Variants in FOXA3 observed in about 807,000 individuals in gnomAD.
The protein encoded by FOXA3 is hepatocyte nuclear factor 3-gamma.
Under a neutral mutation model 16.9 loss-of-function variants are expected in FOXA3, and 11 were observed. That is an observed-to-expected ratio of 0.65 (90% CI 0.41 to 1.08). The LOEUF is 1.08. FOXA3 is among the 50% of genes least tolerant of loss of function. The pLI is 0.00. For missense variants in FOXA3, 423 were observed against 470.1 expected (o/e 0.90, Z 0.93); for synonymous variants, 217 against 203.3 (o/e 1.07, Z -0.57).
rs1043818696 is a variant in FOXA3 at position 45,873,391 on chromosome 19, G to C, written c.*333G>C. ...TAGCATTTCAGTGACATCTTCTTTGGCCCCCCCCATTAGGTGCTGTGCCCA... is the reference window on the plus strand; with the variant it reads ...TAGCATTTCAGTGACATCTTCTTTGCCCCCCCCCATTAGGTGCTGTGCCCA... On this transcript the variant is annotated 3_prime_UTR_variant, in exon 2 of 2. Coordinates refer to ENST00000302177, the MANE Select transcript of FOXA3 (RefSeq NM_004497.3). 4 of 366,572 alleles carry C rather than the reference G, an allele frequency of 1.1e-5. No homozygotes were observed. The highest frequency in any genetic ancestry group is 2.1e-5 in the African/African-American group (1 of 48,184). 22.7% of individuals were successfully genotyped at this position (366,572 alleles called of 1,614,324 possible).
intron 1 of FOXA3, among the ~76,000 whole-genome samples, chr19:45,868,891 G>A (rs970970787): frequency 3.3e-5 from 5 of 152,136 alleles, no homozygotes; most frequent in East Asian, 1.9e-4. Context: ...ACGAGGGCAG[G>A]CATTTCTGTC....
chr19:45,864,693 G>T (rs555271410), intron 1 of FOXA3, among the ~76,000 whole-genome samples, 168 bp downstream of exon 1: 2 of 152,144 alleles, frequency 1.3e-5, no homozygotes, highest in East Asian at 1.9e-4. Flanking sequence ...GACCGGGGAC[G>T]AGGCATGGAT....
chr19:45,864,966 C>T (rs1182718521), intron 1 of FOXA3, among the ~76,000 whole-genome samples: 1 of 151,980 alleles, frequency 6.6e-6, no homozygotes, highest in Non-Finnish European at 1.5e-5. Context: ...AAGGGGAAGA[C>T]TGAGGTGGGA....
rs752834638 is a variant in FOXA3, at chr19:45,872,331, A to T, written c.326A>T (p.Tyr109Phe). ...LVHGKEMPKG[Y>F]RRPLAHAKPP... is the part of the protein sequence containing the mutation. ...CACGGGAAGGAGATGCCGAAGGGGT[A>T]TCGGCGGCCCCTGGCACACGCCAAG... is the stretch of plus-strand genomic sequence containing the variant. Residue 109 changes from tyrosine (Y) to phenylalanine (F), a missense_variant, in exon 2 of 2, where the codon TAT (tyrosine) becomes TTT (phenylalanine). Physicochemically the swap from Tyr to Phe is conservative, Grantham distance 22. Transcript: ENST00000302177. The surrounding 1 kb of genome is among the most constrained non-coding windows in gnomAD (Gnocchi z 4.5). 6.9e-5 allele frequency: 112 copies of T among 1,614,030 alleles called. No homozygotes were observed. Among genetic ancestry groups the T allele is most frequent in the Non-Finnish European group, 9.5e-5 (112 of 1,179,994 alleles).
At chr19:45,864,937 TGGA>T (rs752001310) in intron 1 of FOXA3, among the ~76,000 whole-genome samples, 3 of 151,744 alleles carry the variant, frequency 2.0e-5, no homozygotes, top group Non-Finnish European at 2.9e-5. Flanking sequence ...GACTAAAAGA[TGGA>T]GGAGGAGTCA....
At chr19:45,871,995 G>A (rs764786295) in intron 1 of FOXA3, 80 bp from the exon 2 acceptor site, 19 of 1,376,380 alleles carry the variant, frequency 1.4e-5, no homozygotes, top group Non-Finnish European at 1.6e-5. Context: ...ACAGACAGAC[G>A]GACACTCAGT....
In FOXA3 at chr19:45,872,670, G is replaced by C. The variant is rs767307934; in HGVS notation, c.665G>C (p.Gly222Ala). The change falls in exon 2 of 2, where the codon GGG becomes GCG. Residue 222 changes from glycine to alanine, a missense_variant. Physicochemically the swap from Gly to Ala is moderately conservative, Grantham distance 60. Coordinates refer to ENST00000302177, the MANE Select transcript of FOXA3 (RefSeq NM_004497.3). This position sits in a 1 kb window ranked among gnomAD's most constrained non-coding sequence, Gnocchi z 4.5. Reference sequence around the variant, plus strand: ...AAGCTGGAGGAGAAGGTGAAAAAAGGGGGCAGCGGGGCTGCCACCACCACC... The same window carrying C: ...AAGCTGGAGGAGAAGGTGAAAAAAGCGGGCAGCGGGGCTGCCACCACCACC... ...RFKLEEKVKK[G>A]GSGAATTTRN... 2.5e-6 allele frequency: 4 copies of C among 1,611,790 alleles called. No homozygotes were observed. In the African/African-American group the frequency reaches 4.0e-5, roughly 16 times the overall value.
chr19:45,870,753 G>C (rs1181668156), intron 1 of FOXA3, among the ~76,000 whole-genome samples: 1 of 151,826 alleles, frequency 6.6e-6, no homozygotes, highest in East Asian at 1.9e-4. Flanking sequence ...ATTTTTGGTA[G>C]ATAACAGGGT....
intron 1 of FOXA3, among the ~76,000 whole-genome samples, chr19:45,871,402 C>T (rs1310628688): frequency 6.6e-6 from 1 of 151,996 alleles, no homozygotes; most frequent in East Asian, 1.9e-4. Context: ...CCACTGTACA[C>T]TTCATGAGAA....
Position 45,872,748 on chromosome 19 carries a change from CCTCCCCGCCCCA to C in FOXA3, c.744_755del (p.Ser249_Gln252del). On this transcript the variant is annotated inframe_deletion, in exon 2 of 2. Transcript: ENST00000302177. The surrounding 1 kb of genome is among the most constrained non-coding windows in gnomAD (Gnocchi z 4.5). ...ACCACCACCCCCGCGGCCACAGTCA[CCTCCCCGCCCCA>C]GCCCCCGCCTCCAGCCCCTGAGCCT... 2 of 1,603,772 alleles carry C rather than the reference CCTCCCCGCCCCA, an allele frequency of 1.2e-6. No homozygotes were observed. Among genetic ancestry groups the C allele is most frequent in the Non-Finnish European group, 1.7e-6 (2 of 1,175,826 alleles).
rs369305438 is a variant in FOXA3, at chr19:45,873,104, C to G, written c.*46C>G. The G allele has an allele frequency of 1.2e-5, 18 of 1,555,918 alleles. No homozygotes were observed. The East Asian group carries it at 4.1e-4, about 35-fold the overall frequency. ...GTGGGTATGGCTGGAGCTCACACCA[C>G]GAAGCTCTTGGGGCCTGATCCTTCT... On this transcript the variant is annotated 3_prime_UTR_variant, in exon 2 of 2. Transcript: ENST00000302177.
chr19:45,867,216 G>A (rs575111093), intron 1 of FOXA3, among the ~76,000 whole-genome samples: 1 of 152,126 alleles, frequency 6.6e-6, no homozygotes, highest in African/African-American at 2.4e-5. Flanking sequence ...GAAATGGGGG[G>A]TGGAGGTATA....
chr19:45,872,459 C>T lies in FOXA3; in HGVS notation c.454C>T (p.Pro152Ser), dbSNP rs1966917545. 1.9e-6 allele frequency: 3 copies of T among 1,614,098 alleles called. No homozygotes were observed. The highest frequency in any genetic ancestry group is 1.1e-5 in the South Asian group (1 of 91,092). The change falls in exon 2 of 2, where the codon CCT (proline) becomes TCT (serine). Residue 152 changes from proline to serine, a missense_variant. Physicochemically the swap from Pro to Ser is moderately conservative, Grantham distance 74. This residue lies in a region of FOXA3 where 85 missense variants were observed against 136.9 expected (regional missense o/e 0.62). Transcript: ENST00000302177. The surrounding 1 kb of genome is among the most constrained non-coding windows in gnomAD (Gnocchi z 4.5). ...CTACCAGTGGATCATGGACCTCTTC[C>T]CTTACTACCGGGAGAATCAGCAGCG... ...EIYQWIMDLF[P>S]YYRENQQRWQ...
At position 45,872,111 on chromosome 19, in the gene FOXA3, C is replaced by T; in HGVS notation, c.106C>T (p.Pro36Ser). The T allele has an allele frequency of 6.2e-7, 1 of 1,606,394 alleles. No individual in the cohort carries two copies. Among genetic ancestry groups the T allele is most frequent in the Non-Finnish European group, 8.5e-7 (1 of 1,176,440 alleles). ...SPVTPVPTMA[P>S]LNSYMTLNPL... ...GGTGACCCCAGTGCCCACCATGGCC[C>T]CCCTCAACTCCTACATGACCCTGAA... The change falls in exon 2 of 2, where the codon CCC becomes TCC. Residue 36 changes from proline to serine, a missense_variant. By Grantham distance (74) the Pro-to-Ser change is moderately conservative. Around this residue, in one of 3 missense-constraint regions of FOXA3, gnomAD observed 170 missense variants for 153.9 expected, o/e 1.10. Coordinates refer to ENST00000302177, the MANE Select transcript of FOXA3 (RefSeq NM_004497.3). The surrounding 1 kb of genome is among the most constrained non-coding windows in gnomAD (Gnocchi z 4.5).
At chr19:45,868,033 C>CG (rs1272254042) in intron 1 of FOXA3, among the ~76,000 whole-genome samples, 13 of 134,460 alleles carry the variant, frequency 9.7e-5, no homozygotes, top group South Asian at 2.4e-4. Flanking sequence ...GAAAACAATG[C>CG]GGGGGTGGGG....
In FOXA3 at chr19:45,872,377, A is replaced by C. The variant is rs1484184120; in HGVS notation, c.372A>C (p.Ser124=). The C allele has an allele frequency of 6.2e-7, 1 of 1,613,936 alleles. No homozygotes were observed. Among genetic ancestry groups the C allele is most frequent in the South Asian group, 1.1e-5 (1 of 91,070 alleles). ...AHAKPPYSYI[S]LITMAIQQAP... ...CCAAGCCACCGTATTCCTATATCTC[A>C]CTCATCACCATGGCCATCCAGCAGG... is the stretch of plus-strand genomic sequence containing the variant. Residue 124 remains serine (S), a synonymous_variant, in exon 2 of 2, where the codon TCA becomes TCC. Coordinates refer to ENST00000302177, the MANE Select transcript of FOXA3 (RefSeq NM_004497.3). The surrounding 1 kb of genome is among the most constrained non-coding windows in gnomAD (Gnocchi z 4.5).
chr19:45,864,932 A>G (rs1450958985), intron 1 of FOXA3, among the ~76,000 whole-genome samples: 1 of 151,992 alleles, frequency 6.6e-6, no homozygotes, highest in East Asian at 1.9e-4. Context: ...AGAAAGACTA[A>G]AAGATGGAGG....
chr19:45,872,129 A>G lies in FOXA3; in HGVS notation c.124A>G (p.Thr42Ala), dbSNP rs1272266589. The change falls in exon 2 of 2, where the codon ACC (threonine) becomes GCC (alanine). Residue 42 changes from threonine to alanine, a missense_variant. By Grantham distance (58) the Thr-to-Ala change is moderately conservative. Coordinates refer to ENST00000302177, the MANE Select transcript of FOXA3 (RefSeq NM_004497.3). This position sits in a 1 kb window ranked among gnomAD's most constrained non-coding sequence, Gnocchi z 4.5. Reference sequence around the variant, plus strand: ...CATGGCCCCCCTCAACTCCTACATGACCCTGAATCCTCTAAGCTCTCCCTA... The same window carrying G: ...CATGGCCCCCCTCAACTCCTACATGGCCCTGAATCCTCTAAGCTCTCCCTA... ...PTMAPLNSYMTLNPLSSPYPP... is the reference protein window; with the variant it reads ...PTMAPLNSYMALNPLSSPYPP... The G allele has an allele frequency of 1.9e-6, 3 of 1,601,474 alleles. No homozygotes were observed. The Admixed American group carries it at 5.2e-5, about 28-fold the overall frequency.
chr19:45,869,445 C>T (rs1015620090), intron 1 of FOXA3, among the ~76,000 whole-genome samples: 1 of 152,198 alleles, frequency 6.6e-6, no homozygotes, highest in Non-Finnish European at 1.5e-5. Context: ...TTGTGAAGTG[C>T]TTGGAGCAGC....
Sources: allele counts gnomAD v4.1 joint callset (sites outside exome capture counted in the v4.1 genomes callset), GRCh38; gene constraint gnomAD v4.1.1; regional missense constraint gnomAD v4.1.1; non-coding constraint Gnocchi (gnomAD v3.1); transcripts MANE v1.5; gene names NCBI Gene and HGNC (gene_info 2026-07-23, HGNC 2026-07-21).